The following SH3GL2 variants were observed in gnomAD, a reference collection of about 807,000 sequenced individuals.
The protein encoded by SH3GL2 is endophilin-A1.
Under a neutral mutation model 46.0 loss-of-function variants are expected in SH3GL2, and 24 were observed. The ratio of observed to expected loss-of-function variants is 0.52; its 90% CI spans 0.38 to 0.73. The LOEUF (loss-of-function observed/expected upper bound fraction) is 0.73, where lower values mean the gene tolerates loss of function less well. Ranked by LOEUF, SH3GL2 falls within the 30% of genes least tolerant of loss-of-function variation. The pLI, the probability that SH3GL2 is intolerant of heterozygous loss-of-function variation, is 0.00. For synonymous variants in SH3GL2, 196 were observed against 147.1 expected, an observed-to-expected ratio of 1.33 and a Z score of -2.40; for missense variants, 413 against 424.2, an observed-to-expected ratio of 0.97 and a Z score of 0.23.
chr9:17,737,427 C>G (rs140398539), intron 1 of SH3GL2, among the ~76,000 whole-genome samples: 5 of 151,886 alleles, frequency 3.3e-5, no homozygotes, highest in African/African-American at 1.2e-4. Context: ...GATGTAGTTC[C>G]TATTATCTGA....
At chr9:17,635,086 G>C (rs1819512098) in intron 1 of SH3GL2, among the ~76,000 whole-genome samples, 2 of 152,124 alleles carry the variant, frequency 1.3e-5, no homozygotes, top group South Asian at 4.1e-4. Flanking sequence ...CATCACCCAG[G>C]TATTAAGCCT....
intron 1 of SH3GL2, among the ~76,000 whole-genome samples, chr9:17,725,127 A>G (rs1222671550): frequency 6.6e-6 from 1 of 152,106 alleles, no homozygotes; most frequent in Admixed American, 6.5e-5. Flanking sequence ...AGAGTAGCTT[A>G]ATGTTCAGCA....
chr9:17,773,464 T>A (rs1823550611), intron 3 of SH3GL2, among the ~76,000 whole-genome samples: 1 of 152,192 alleles, frequency 6.6e-6, no homozygotes, highest in Non-Finnish European at 1.5e-5. Flanking sequence ...AGCTCTTTAA[T>A]GTATTTGGAG....
At chr9:17,629,210 A>C (rs1472710458) in intron 1 of SH3GL2, among the ~76,000 whole-genome samples, 1 of 152,178 alleles carries the variant, frequency 6.6e-6, no homozygotes, top group East Asian at 1.9e-4. Flanking sequence ...TGTGGCCCTC[A>C]TATTGTGTAG....
intron 1 of SH3GL2, among the ~76,000 whole-genome samples, chr9:17,588,418 A>G (rs1818419673): frequency 6.6e-6 from 1 of 152,228 alleles, no homozygotes; most frequent in Non-Finnish European, 1.5e-5. Context: ...GACTTAATCT[A>G]ATCTCATGAG....
chr9:17,747,778 G>C (rs1465006539), intron 2 of SH3GL2, among the ~76,000 whole-genome samples: 1 of 152,032 alleles, frequency 6.6e-6, no homozygotes, highest in Non-Finnish European at 1.5e-5. Flanking sequence ...GGGTTCAAGC[G>C]ATCTCCTGCC....
chr9:17,673,034 C>T (rs962494377), intron 1 of SH3GL2, among the ~76,000 whole-genome samples: 3 of 152,102 alleles, frequency 2.0e-5, no homozygotes, highest in Non-Finnish European at 4.4e-5. Flanking sequence ...GATTTCTTGC[C>T]CTGTTACCCT....
chr9:17,715,268 G>A (rs1821722269), intron 1 of SH3GL2, among the ~76,000 whole-genome samples: 1 of 150,320 alleles, frequency 6.7e-6, no homozygotes, highest in Admixed American at 6.6e-5. Flanking sequence ...GTCCAGGCTG[G>A]TTATGAATAT....
At chr9:17,629,879 T>C (rs1281645329) in intron 1 of SH3GL2, among the ~76,000 whole-genome samples, 2 of 152,210 alleles carry the variant, frequency 1.3e-5, no homozygotes, top group East Asian at 3.8e-4. Context: ...GCAACTATTT[T>C]TTTCTGTATA....
At chr9:17,773,484 G>T (rs1483986083) in intron 3 of SH3GL2, among the ~76,000 whole-genome samples, 1 of 152,024 alleles carries the variant, frequency 6.6e-6, no homozygotes, top group East Asian at 1.9e-4. Context: ...GTTAATTTTT[G>T]TATATAGTAT....
At chr9:17,647,909 A>G (rs982586523) in intron 1 of SH3GL2, among the ~76,000 whole-genome samples, 28 of 152,182 alleles carry the variant, frequency 1.8e-4, no homozygotes, top group Non-Finnish European at 2.9e-5. Flanking sequence ...CAGTGAGGCC[A>G]GTCCCCCCAC....
In SH3GL2 at chr9:17,747,115, A is replaced by C. The variant is rs1003368445; in HGVS notation, c.95A>C (p.Asp32Ala). Residue 32 changes from aspartate to alanine, a missense_variant, in exon 2 of 9, where the codon GAC becomes GCC. Coordinates refer to ENST00000380607, the MANE Select transcript of SH3GL2 (RefSeq NM_003026.5). Reference protein sequence around the residue: ...GGAEGTKLDDDFKEMERKVDV... With the variant: ...GGAEGTKLDDAFKEMERKVDV... ...GCTGAAGGAACCAAGCTAGATGATG[A>C]CTTCAAAGAGATGGAAAGGGTAAGC... 2.5e-6 allele frequency: 4 copies of C among 1,608,558 alleles called. No individual in the cohort carries two copies. In the African/African-American group the frequency reaches 5.3e-5, roughly 21 times the overall value.
chr9:17,708,046 A>G (rs1211502056), intron 1 of SH3GL2, among the ~76,000 whole-genome samples: 1 of 152,050 alleles, frequency 6.6e-6, no homozygotes, highest in East Asian at 1.9e-4. Context: ...GCAAGTCCTT[A>G]TCTCTCAGTG....
chr9:17,672,933 T>C (rs1210269302), intron 1 of SH3GL2, among the ~76,000 whole-genome samples: 1 of 152,126 alleles, frequency 6.6e-6, no homozygotes, highest in East Asian at 1.9e-4. Context: ...AGTGAATTAA[T>C]CTCTTAGCTG....
At chr9:17,641,217 G>A (rs1304498382) in intron 1 of SH3GL2, among the ~76,000 whole-genome samples, 1 of 152,058 alleles carries the variant, frequency 6.6e-6, no homozygotes, top group Admixed American at 6.6e-5. Flanking sequence ...GTGTTTCCAA[G>A]CAAACAGTTT....
intron 1 of SH3GL2, among the ~76,000 whole-genome samples, chr9:17,639,844 T>G (rs1819632629): frequency 6.6e-6 from 1 of 152,208 alleles, no homozygotes; most frequent in Non-Finnish European, 1.5e-5. Flanking sequence ...TAATGAAACT[T>G]TTAAAAGTTA....
intron 1 of SH3GL2, among the ~76,000 whole-genome samples, chr9:17,680,141 CAT>C (rs1820729788): frequency 6.6e-6 from 1 of 152,168 alleles, no homozygotes; most frequent in Non-Finnish European, 1.5e-5. Flanking sequence ...ATGCTGGCCT[CAT>C]AAAATGAGTT....
At chr9:17,628,078 T>C (rs1452517712) in intron 1 of SH3GL2, among the ~76,000 whole-genome samples, 1 of 152,178 alleles carries the variant, frequency 6.6e-6, no homozygotes, top group Non-Finnish European at 1.5e-5. Flanking sequence ...GTACAAAATA[T>C]TAAATATCTG....
At chr9:17,683,814 A>T (rs533502399) in intron 1 of SH3GL2, among the ~76,000 whole-genome samples, 1 of 152,224 alleles carries the variant, frequency 6.6e-6, no homozygotes, top group South Asian at 2.1e-4. Context: ...CACTGTGGCA[A>T]ACCAGCCCCA....
Sources: allele counts gnomAD v4.1 joint callset (sites outside exome capture counted in the v4.1 genomes callset), GRCh38; gene constraint gnomAD v4.1.1; transcripts MANE v1.5; gene names NCBI Gene and HGNC (gene_info 2026-07-23, HGNC 2026-07-21).